The following NRK variants were observed in gnomAD, a reference collection of about 807,000 sequenced individuals.
NRK encodes nik-related protein kinase.
A neutral mutation model predicts 125.2 loss-of-function variants in NRK; 67 were observed. That is an observed-to-expected ratio of 0.54 (90% CI 0.44 to 0.66). NRK has a LOEUF of 0.66. Among genes scored for constraint, NRK ranks in the 30% least tolerant of loss-of-function variants. The probability of loss-of-function intolerance (pLI) is 0.00; values close to 1 mark genes in which losing one functional copy is unlikely to be tolerated. For missense variants in NRK, 1,224 were observed against 1,192.9 expected (o/e 1.03, Z -0.38); for synonymous variants, 458 against 429.0 (o/e 1.07, Z -0.84).
intron 2 of NRK, among the ~76,000 whole-genome samples, chrX:105,865,341 T>C (rs188604380): frequency 2.7e-4 from 30 of 111,397 alleles, no homozygotes; most frequent in African/African-American, 8.8e-4. Flanking sequence ...TACTTCCCCA[T>C]GAAGAGTATA....
chrX:105,864,106 G>A (rs750450519), intron 2 of NRK, among the ~76,000 whole-genome samples: 2 of 112,377 alleles, frequency 1.8e-5, no homozygotes, highest in South Asian at 7.3e-4. Context: ...AATGTATAAT[G>A]CAGAGATATG....
intron 2 of NRK, among the ~76,000 whole-genome samples, chrX:105,840,976 A>G (rs1261179904): frequency 9.0e-6 from 1 of 110,510 alleles, no homozygotes; most frequent in Non-Finnish European, 1.9e-5. Context: ...CTAGTAGTTG[A>G]CCACTAAAAA....
intron 5 of NRK, among the ~76,000 whole-genome samples, chrX:105,893,554 C>T (rs929286867): frequency 3.6e-5 from 4 of 111,785 alleles, no homozygotes; most frequent in Non-Finnish European, 7.5e-5. Flanking sequence ...CATATACAAA[C>T]ACCACCTATC....
chrX:105,918,068 T>G (rs1013143563), intron 16 of NRK, among the ~76,000 whole-genome samples: 2 of 110,900 alleles, frequency 1.8e-5, no homozygotes, highest in Non-Finnish European at 3.8e-5. Context: ...TGTGTTTCAT[T>G]TATCAGTTGG....
intron 1 of NRK, among the ~76,000 whole-genome samples, chrX:105,827,940 C>G (rs2039136147): frequency 9.0e-6 from 1 of 111,409 alleles, no homozygotes; most frequent in Non-Finnish European, 1.9e-5. Flanking sequence ...AGGAAAGGAC[C>G]AAATAATTAT....
chrX:105,823,064 C>T (rs992510422), intron 1 of NRK, among the ~76,000 whole-genome samples, 162 bp downstream of exon 1: 1 of 113,196 alleles, frequency 8.8e-6, no homozygotes, highest in Non-Finnish European at 1.9e-5. Flanking sequence ...GAAAAGGCGC[C>T]CCCTGGGCAC....
intron 23 of NRK, 55 bp from the exon 24 acceptor site, chrX:105,943,886 T>C: frequency 1.7e-6 from 1 of 585,209 alleles, no homozygotes; most frequent in Non-Finnish European, 2.8e-6. Flanking sequence ...ATACAAATAC[T>C]TGAGTGTTCT....
rs1044997575 is a variant in NRK, at chrX:105,935,206, C to G, written c.3536C>G (p.Pro1179Arg). The change falls in exon 21 of 29, where the codon CCT becomes CGT. Residue 1179 changes from proline (P) to arginine (R), a missense_variant. Coordinates refer to ENST00000243300, the MANE Select transcript of NRK (RefSeq NM_198465.4). ...TTCGTAGAAGTACCTGAGGAATCACCTAAGCAACCCTCTGAAGTCAATGTT... is the reference window on the plus strand; with the variant it reads ...TTCGTAGAAGTACCTGAGGAATCACGTAAGCAACCCTCTGAAGTCAATGTT... ...AGFVEVPEES[P>R]KQPSEVNVNP... The G allele has an allele frequency of 3.4e-6, 4 of 1,193,209 alleles. No individual in the cohort carries two copies. In the African/African-American group the frequency reaches 5.3e-5, roughly 16 times the overall value.
At chrX:105,839,936 G>A (rs1439494901) in intron 2 of NRK, among the ~76,000 whole-genome samples, 1 of 111,423 alleles carries the variant, frequency 9.0e-6, no homozygotes, top group Admixed American at 9.6e-5. Context: ...GAGACTCCAA[G>A]AACAAGTTTT....
intron 16 of NRK, among the ~76,000 whole-genome samples, chrX:105,919,326 G>A (rs1028412177): frequency 9.0e-6 from 1 of 110,904 alleles, no homozygotes; most frequent in Non-Finnish European, 1.9e-5. Context: ...AATCACAGGG[G>A]TTATTTACCA....
chrX:105,841,556 G>T, intron 2 of NRK, among the ~76,000 whole-genome samples: 1 of 111,235 alleles, frequency 9.0e-6, no homozygotes, highest in Non-Finnish European at 1.9e-5. Context: ...GGGAAAGAAG[G>T]TTAGATTGTT....
chrX:105,934,843 C>T (rs1044665170), intron 20 of NRK, among the ~76,000 whole-genome samples: 5 of 111,790 alleles, frequency 4.5e-5, no homozygotes, highest in Admixed American at 9.5e-5. Context: ...TAAGATCTCG[C>T]TCTGTCACTT....
At chrX:105,928,979 A>G (rs1188401000) in intron 19 of NRK, among the ~76,000 whole-genome samples, 1 of 111,915 alleles carries the variant, frequency 8.9e-6, no homozygotes, top group Non-Finnish European at 1.9e-5. Flanking sequence ...GAAATGTTCT[A>G]TAAATGTCTG....
chrX:105,899,160 G>T (rs1395511495), intron 8 of NRK, among the ~76,000 whole-genome samples: 1 of 111,822 alleles, frequency 8.9e-6, no homozygotes, highest in Non-Finnish European at 1.9e-5. Flanking sequence ...GAAAATCCTT[G>T]GCATGTTTCA....
chrX:105,905,257 C>T lies in NRK; in HGVS notation c.767-8C>T. 1 of 1,190,461 alleles carries T rather than the reference C, an allele frequency of 8.4e-7. No individual in the cohort carries two copies. Among genetic ancestry groups the T allele is most frequent in the Non-Finnish European group, 1.1e-6 (1 of 877,370 alleles). ...ATTCTTTCTAAATTTATCTATTTCC[C>T]TTTGCAGCTCTGTGTAACCTTCAAC... On this transcript the variant is annotated splice_region_variant and splice_polypyrimidine_tract_variant and intron_variant, in intron 9 of 28. Transcript: ENST00000243300.
rs777856297 is a variant in NRK, at chrX:105,915,363, G to A, written c.2350-367G>A. Among the ~76,000 whole-genome samples the A allele has an allele frequency of 7.2e-5, 8 of 110,833 alleles. No homozygotes were observed. In the South Asian group the frequency reaches 2.7e-3, roughly 37 times the overall value. ...AAAAAGCAATGTGATAACATGGAAA[G>A]AACATTAAATTAGAAGTTGGGAGAC... On this transcript the variant is annotated intron_variant, in intron 14 of 28. Coordinates refer to ENST00000243300, the MANE Select transcript of NRK (RefSeq NM_198465.4).
At chrX:105,862,487 A>C (rs1429748070) in intron 2 of NRK, among the ~76,000 whole-genome samples, 3 of 111,911 alleles carry the variant, frequency 2.7e-5, no homozygotes, top group Non-Finnish European at 5.6e-5. Flanking sequence ...ATTTTGAAAA[A>C]TAAAAATAAT....
At chrX:105,888,223 A>G in intron 4 of NRK, 71 bp from the exon 5 acceptor site, 2 of 861,597 alleles carry the variant, frequency 2.3e-6, no homozygotes, top group Non-Finnish European at 3.2e-6. Flanking sequence ...TCATTGATAT[A>G]CTGTACTTTA....
At chrX:105,935,813 T>TTA (rs770022568) in intron 21 of NRK, among the ~76,000 whole-genome samples, 1,500 of 102,635 alleles carry the variant, frequency 0.015, 12 homozygotes, top group Non-Finnish European at 0.017. Context: ...TTATTATATT[T>TTA]TATATATATA....
Sources: allele counts gnomAD v4.1 joint callset (sites outside exome capture counted in the v4.1 genomes callset), GRCh38; gene constraint gnomAD v4.1.1; transcripts MANE v1.5; gene names NCBI Gene and HGNC (gene_info 2026-07-23, HGNC 2026-07-21).